C16orf96: variants seen among roughly 807,000 people sequenced by gnomAD.
C16orf96 encodes the protein chromosome 16 open reading frame 96.
C16orf96 carries 108 observed loss-of-function variants against 103.6 expected under a neutral mutation model. The observed-to-expected ratio is 1.04, with a 90% confidence interval of 0.89 to 1.22. The LOEUF (loss-of-function observed/expected upper bound fraction) is 1.22. Ranked by LOEUF, C16orf96 falls within the 50% of genes most tolerant of loss-of-function variation. The probability of loss-of-function intolerance (pLI) is 0.00; values close to 1 mark genes in which losing one functional copy is unlikely to be tolerated. For synonymous variants in C16orf96, 566 were observed against 593.5 expected (o/e 0.95, Z 0.67); for missense variants, 1,586 against 1,464.2 (o/e 1.08, Z -1.36).
At chr16:4,565,553 G>C (rs2059378319) in intron 1 of C16orf96, among the ~76,000 whole-genome samples, 2 of 152,190 alleles carry the variant, frequency 1.3e-5, no homozygotes. Context: ...CAGTGGCACA[G>C]TCTCAGCTCA....
intron 9 of C16orf96, among the ~76,000 whole-genome samples, chr16:4,590,918 GCTA>G (rs1048286729): frequency 3.0e-4 from 46 of 151,736 alleles, no homozygotes; most frequent in African/African-American, 1.1e-3. Flanking sequence ...TGTAATCCCA[GCTA>G]CTTGGGAGGC....
chr16:4,553,605 G>A (rs1339338405), upstream of C16orf96, among the ~76,000 whole-genome samples: 1 of 152,080 alleles, frequency 6.6e-6, no homozygotes, highest in Non-Finnish European at 1.5e-5. Flanking sequence ...AGCCTCTTGA[G>A]TAGCTGGGAT....
intron 1 of C16orf96, among the ~76,000 whole-genome samples, chr16:4,564,174 A>G (rs1233085712): frequency 6.6e-6 from 1 of 151,806 alleles, no homozygotes; most frequent in Non-Finnish European, 1.5e-5. Context: ...ATCTTAAAAA[A>G]AAGAAGAAGA....
chr16:4,575,686 G>A lies in C16orf96; in HGVS notation c.1206G>A (p.Val402=), dbSNP rs960035287. ...RWPLPQGWPR[V]GSWPLWDLGV... ...CTCTTCCCCAAGGCTGGCCCAGGGT[G>A]GGCTCTTGGCCTCTGTGGGACTTAG... The change falls in exon 5 of 16, where the codon GTG becomes GTA. Residue 402 remains valine, a synonymous_variant. Coordinates refer to ENST00000444310, the MANE Select transcript of C16orf96 (RefSeq NM_001145011.2). 53 of 1,535,172 alleles carry A rather than the reference G, an allele frequency of 3.5e-5. No individual in the cohort carries two copies. The Admixed American group carries it at 9.4e-4, about 27-fold the overall frequency.
chr16:4,590,653 G>A (rs113199303), intron 9 of C16orf96, among the ~76,000 whole-genome samples: 1 of 152,038 alleles, frequency 6.6e-6, no homozygotes, highest in African/African-American at 2.4e-5. Context: ...GGGAGGCTGA[G>A]GCGGGCAGAT....
the C16orf96 span, among the ~76,000 whole-genome samples, chr16:4,549,156 A>G: frequency 2.0e-5 from 3 of 152,178 alleles, no homozygotes; most frequent in East Asian, 1.9e-4. Context: ...AACCTCACTC[A>G]CTATTGCAAC....
intron 1 of C16orf96, among the ~76,000 whole-genome samples, chr16:4,559,759 TCTC>T (rs1457575703): frequency 6.6e-6 from 1 of 152,090 alleles, no homozygotes; most frequent in African/African-American, 2.4e-5. Context: ...CCCCTTTACT[TCTC>T]CTCCCTGCAA....
Position 4,578,961 on chromosome 16 carries a change from G to A in C16orf96, c.2177G>A (p.Ser726Asn), listed in dbSNP as rs776669335. Residue 726 changes from serine to asparagine, a missense_variant, in exon 6 of 16, where the codon AGC (serine) becomes AAC (asparagine). Ser to Asn is a conservative substitution (Grantham distance 46). Transcript: ENST00000444310. ...SYLANMGGPS[S>N]LGTTVDILQK... ...TCAGCCAATATGGGAGGTCCTTCCA[G>A]CCTCGGGACAACAGTGGACATATTG... 1 of 1,551,374 alleles carries A rather than the reference G, an allele frequency of 6.4e-7. No individual in the cohort carries two copies. Among genetic ancestry groups the A allele is most frequent in the Non-Finnish European group, 8.7e-7 (1 of 1,146,890 alleles).
At chr16:4,568,204 T>TAC (rs1373509324) in intron 1 of C16orf96, among the ~76,000 whole-genome samples, 3 of 152,036 alleles carry the variant, frequency 2.0e-5, no homozygotes, top group African/African-American at 7.2e-5. Flanking sequence ...ATACCTGGCC[T>TAC]CTTCTGTTGC....
intron 1 of C16orf96, among the ~76,000 whole-genome samples, chr16:4,564,203 G>C (rs929296131): frequency 7.9e-5 from 12 of 152,034 alleles, no homozygotes; most frequent in African/African-American, 2.2e-4. Flanking sequence ...GTGGTAACTG[G>C]TTTTGCTTTG....
rs1596534271 is a variant in C16orf96 at position 4,587,131 on chromosome 16, C to T, written c.2427+18C>T. On this transcript the variant is annotated intron_variant, in intron 8 of 15. Transcript: ENST00000444310. ...TGAGAGAGGTGAGTGAGCAGAGGTTCCTCTGCCTTCCCTGCTCCCCTACCC... is the reference window on the plus strand; with the variant it reads ...TGAGAGAGGTGAGTGAGCAGAGGTTTCTCTGCCTTCCCTGCTCCCCTACCC... 6.5e-7 allele frequency: 1 copy of T among 1,547,948 alleles called. No homozygotes were observed. The highest frequency in any genetic ancestry group is 1.4e-5 in the African/African-American group (1 of 73,076).
At chr16:4,569,127 G>A (rs534419108) in intron 1 of C16orf96, among the ~76,000 whole-genome samples, 5 of 151,722 alleles carry the variant, frequency 3.3e-5, no homozygotes, top group Non-Finnish European at 7.4e-5. Context: ...ACACTACCAC[G>A]CCTGGCTAAT....
chr16:4,575,774 T>C lies in C16orf96; in HGVS notation c.1294T>C (p.Ser432Pro). 6.5e-7 allele frequency: 1 copy of C among 1,550,060 alleles called. No individual in the cohort carries two copies. Among genetic ancestry groups the C allele is most frequent in the Non-Finnish European group, 8.7e-7 (1 of 1,146,666 alleles). ...RAPPPATEFG[S>P]LWPRPLQPYQ... ...CCCACCACCAGCCACTGAGTTTGGC[T>C]CATTGTGGCCTCGACCACTCCAGCC... is the stretch of plus-strand genomic sequence containing the variant. The change falls in exon 5 of 16, where the codon TCA (serine) becomes CCA (proline). Residue 432 changes from serine (S) to proline (P), a missense_variant. Coordinates refer to ENST00000444310, the MANE Select transcript of C16orf96 (RefSeq NM_001145011.2).
chr16:4,576,770 C>T (rs2059515708), intron 5 of C16orf96, 135 bp downstream of exon 5: 1 of 933,010 alleles, frequency 1.1e-6, no homozygotes, highest in South Asian at 1.8e-5. Context: ...TTTCCTTTGG[C>T]TTAAGCATTT....
intron 2 of C16orf96, 137 bp from the exon 3 acceptor site, chr16:4,574,572 C>T: frequency 1.4e-6 from 1 of 696,018 alleles, no homozygotes; most frequent in East Asian, 2.7e-5. Context: ...CCATGGAACC[C>T]TTTCCCACTC....
In C16orf96 at chr16:4,556,738, C is replaced by G; in HGVS notation, c.249C>G (p.His83Gln). The G allele has an allele frequency of 6.4e-7, 1 of 1,551,628 alleles. No homozygotes were observed. The highest frequency in any genetic ancestry group is 8.7e-7 in the Non-Finnish European group (1 of 1,147,002). Residue 83 changes from histidine (H) to glutamine (Q), a missense_variant, in exon 1 of 16, where the codon CAC (histidine) becomes CAG (glutamine). Coordinates refer to ENST00000444310, the MANE Select transcript of C16orf96 (RefSeq NM_001145011.2). ...PMKRLSNVFD[H>Q]VVSRLDKLEN... The stretch of plus-strand genomic sequence containing the variant: ...AGAGGCTCAGCAATGTCTTCGACCA[C>G]GTGGTGAGCCGCCTCGACAAGTTGG...
In C16orf96 at chr16:4,593,199, C is replaced by T; in HGVS notation, c.2775-25C>T. 1.3e-6 allele frequency: 2 copies of T among 1,548,904 alleles called. No individual in the cohort carries two copies. The highest frequency in any genetic ancestry group is 1.7e-6 in the Non-Finnish European group (2 of 1,144,954). Reference sequence around the variant, plus strand: ...TGGCCTAGCACGCCTCCCACAGCCCCTGCTGTGCCCTTGTCCTCCAACAGA... The same window carrying T: ...TGGCCTAGCACGCCTCCCACAGCCCTTGCTGTGCCCTTGTCCTCCAACAGA... On this transcript the variant is annotated intron_variant, in intron 11 of 15. Transcript: ENST00000444310. The surrounding 1 kb of genome is among the most constrained non-coding windows in gnomAD (Gnocchi z 4.2).
Position 4,600,489 on chromosome 16 carries a change from G to C in C16orf96, c.*172G>C, listed in dbSNP as rs1490466262. ...CCATGTCCGAGGCTGAGGCTCATGCGCCCCCCCCCATCCCTACCAAGTCCC... is the reference window on the plus strand; with the variant it reads ...CCATGTCCGAGGCTGAGGCTCATGCCCCCCCCCCCATCCCTACCAAGTCCC... On this transcript the variant is annotated 3_prime_UTR_variant, in exon 16 of 16. Transcript: ENST00000444310. 21 of 344,020 alleles carry C rather than the reference G, an allele frequency of 6.1e-5. No homozygotes were observed. The highest frequency in any genetic ancestry group is 1.4e-4 in the Admixed American group (2 of 14,776). The allele number at this position is 344,020 out of a possible 1,614,324, so 21.3% of individuals were successfully genotyped here.
the C16orf96 span, among the ~76,000 whole-genome samples, chr16:4,548,269 T>G: frequency 5.9e-5 from 9 of 152,274 alleles, no homozygotes; most frequent in East Asian, 1.5e-3. Flanking sequence ...AGGAGCTGCT[T>G]GTGTCACCTT....
Sources: allele counts gnomAD v4.1 joint callset (sites outside exome capture counted in the v4.1 genomes callset), GRCh38; gene constraint gnomAD v4.1.1; non-coding constraint Gnocchi (gnomAD v3.1); transcripts MANE v1.5; gene names NCBI Gene and HGNC (gene_info 2026-07-23, HGNC 2026-07-21).